TBC1D5: variants seen among roughly 807,000 people sequenced by gnomAD.
TBC1D5 encodes TBC1 domain family, member 5.
TBC1D5 carries 75 observed loss-of-function variants against 100.3 expected under a neutral mutation model. The ratio of observed to expected loss-of-function variants is 0.75; its 90% CI spans 0.62 to 0.91. The LOEUF (loss-of-function observed/expected upper bound fraction) is 0.91, where lower values mean the gene tolerates loss of function less well. Ranked by LOEUF, TBC1D5 falls within the 40% of genes least tolerant of loss-of-function variation. TBC1D5 has a pLI of 0.00. For synonymous variants in TBC1D5, 323 were observed against 325.6 expected (o/e 0.99, Z 0.09); for missense variants, 910 against 942.4 (o/e 0.97, Z 0.45).
intron 18 of TBC1D5, among the ~76,000 whole-genome samples, chr3:17,201,556 C>G (rs1174476521): frequency 6.6e-6 from 1 of 152,108 alleles, no homozygotes; most frequent in Non-Finnish European, 1.5e-5. Context: ...GATTTTCATC[C>G]CTGCCCAAAT....
At chr3:17,647,522 A>G (rs554519641) in intron 1 of TBC1D5, among the ~76,000 whole-genome samples, 11 of 151,950 alleles carry the variant, frequency 7.2e-5, no homozygotes, top group East Asian at 1.9e-4. Flanking sequence ...ATAGTGGGGG[A>G]AAAATTTCTG....
chr3:17,261,022 C>G (rs1184086422), intron 15 of TBC1D5, among the ~76,000 whole-genome samples: 1 of 152,192 alleles, frequency 6.6e-6, no homozygotes, highest in Admixed American at 6.5e-5. Context: ...GGCTACTGTA[C>G]TGGACAGCAT....
At chr3:17,458,973 C>T (rs145044985) in intron 3 of TBC1D5, among the ~76,000 whole-genome samples, 11 of 152,126 alleles carry the variant, frequency 7.2e-5, no homozygotes, top group African/African-American at 1.9e-4. Flanking sequence ...ACAAAACCCC[C>T]GACAAAGACA....
chr3:17,597,415 T>C (rs556748415), intron 2 of TBC1D5, among the ~76,000 whole-genome samples: 1 of 152,300 alleles, frequency 6.6e-6, no homozygotes, highest in East Asian at 1.9e-4. Flanking sequence ...ATCTTATAAC[T>C]AACAAATGGT....
At chr3:17,550,522 C>T (rs2096463105) in intron 2 of TBC1D5, among the ~76,000 whole-genome samples, 1 of 151,092 alleles carries the variant, frequency 6.6e-6, no homozygotes, top group Non-Finnish European at 1.5e-5. Flanking sequence ...AGGGTACACA[C>T]ACAAAGTTAA....
At chr3:17,385,991 T>A (rs1417836882) in intron 8 of TBC1D5, among the ~76,000 whole-genome samples, 1 of 152,152 alleles carries the variant, frequency 6.6e-6, no homozygotes, top group East Asian at 1.9e-4. Flanking sequence ...AATGTCATTT[T>A]GAAACAAAAG....
Position 17,294,458 on chromosome 3 carries a change from A to C in TBC1D5, c.1139-2457T>G, listed in dbSNP as rs929179942. ...GGCTGGTCTTGAACTCCTGTAGAAC[A>C]GACTGATTTAGATATAAACATATAG... On this transcript the variant is annotated intron_variant, in intron 14 of 21. Transcript: ENST00000253692. Among the ~76,000 whole-genome samples, 6 of 152,354 alleles carry C rather than the reference A, an allele frequency of 3.9e-5. No individual in the cohort carries two copies. In the East Asian group the frequency reaches 1.2e-3, roughly 29 times the overall value.
intron 13 of TBC1D5, among the ~76,000 whole-genome samples, chr3:17,323,745 T>C (rs2085729415): frequency 6.6e-6 from 1 of 152,228 alleles, no homozygotes; most frequent in African/African-American, 2.4e-5. Context: ...TTAAGATTTC[T>C]ATTTTCCTAA....
intron 9 of TBC1D5, among the ~76,000 whole-genome samples, chr3:17,379,719 T>C (rs1168897600): frequency 2.0e-5 from 3 of 152,074 alleles, no homozygotes; most frequent in Non-Finnish European, 4.4e-5. Context: ...AAACTACACA[T>C]ACCATGCTGT....
intron 20 of TBC1D5, among the ~76,000 whole-genome samples, chr3:17,167,172 A>G (rs928815512): frequency 1.3e-5 from 2 of 152,230 alleles, no homozygotes; most frequent in African/African-American, 4.8e-5. Context: ...AGGGTCACAT[A>G]TGGGAGTCAC....
At chr3:17,340,745 C>T (rs2088753783) in intron 13 of TBC1D5, 1 of 152,184 alleles carries the variant, frequency 6.6e-6, no homozygotes, top group South Asian at 2.1e-4. Flanking sequence ...ATAATGAAGT[C>T]TAGAGTCAAT....
chr3:17,452,811 T>C (rs950318222), intron 3 of TBC1D5, among the ~76,000 whole-genome samples: 1 of 151,968 alleles, frequency 6.6e-6, no homozygotes, highest in Admixed American at 6.6e-5. Flanking sequence ...ATAGAACAAA[T>C]GGACTCAACA....
chr3:17,478,186 G>A (rs1387027156), intron 3 of TBC1D5, among the ~76,000 whole-genome samples: 1 of 152,038 alleles, frequency 6.6e-6, no homozygotes, highest in South Asian at 2.1e-4. Flanking sequence ...TTATTTTTCA[G>A]TCAATTGTCT....
chr3:17,219,625 A>C lies in TBC1D5; in HGVS notation c.1589-5255T>G, dbSNP rs145046418. Among the ~76,000 whole-genome samples the C allele has an allele frequency of 3.0e-4, 45 of 152,150 alleles. No individual in the cohort carries two copies. The East Asian group carries it at 8.5e-3, about 29-fold the overall frequency. ...GCTGTTTTAGTAACTTTATTAAATT[A>C]ATGTCAAATGGTGACAATTCACTGG... is the stretch of plus-strand genomic sequence containing the variant. On this transcript the variant is annotated intron_variant, in intron 17 of 21. Coordinates refer to ENST00000253692, the Ensembl canonical transcript of TBC1D5.
intron 15 of TBC1D5, among the ~76,000 whole-genome samples, chr3:17,272,472 G>T (rs1332932343): frequency 6.6e-6 from 1 of 152,086 alleles, no homozygotes; most frequent in Non-Finnish European, 1.5e-5. Context: ...TCCTCTTATG[G>T]AAGAAACATA....
intron 1 of TBC1D5, among the ~76,000 whole-genome samples, chr3:17,668,205 T>A (rs2067503964): frequency 6.7e-6 from 1 of 149,688 alleles, no homozygotes; most frequent in South Asian, 2.1e-4. Flanking sequence ...TCCCACATAT[T>A]CAGAGCATAG....
chr3:17,224,354 G>T (rs1057062638), intron 17 of TBC1D5, among the ~76,000 whole-genome samples: 1 of 152,170 alleles, frequency 6.6e-6, no homozygotes, highest in African/African-American at 2.4e-5. Context: ...AGCCACACAT[G>T]CAATTTCTAA....
intron 2 of TBC1D5, among the ~76,000 whole-genome samples, chr3:17,517,064 G>T (rs181205475): frequency 6.6e-6 from 1 of 152,270 alleles, no homozygotes; most frequent in East Asian, 1.9e-4. Flanking sequence ...GGCAAATCTT[G>T]TCTGTTCTAC....
intron 19 of TBC1D5, among the ~76,000 whole-genome samples, chr3:17,177,358 C>G (rs2067885171): frequency 7.2e-5 from 11 of 152,050 alleles, no homozygotes; most frequent in Admixed American, 7.2e-4. Flanking sequence ...TGCAAGTCTT[C>G]CAATAATAAA....
Sources: gnomAD v4.1 joint callset for allele counts (sites outside exome capture counted in the v4.1 genomes callset) on GRCh38, gnomAD v4.1.1 for gene constraint, MANE v1.5 for transcripts, NCBI Gene and HGNC (gene_info 2026-07-23, HGNC 2026-07-21) for gene names.